SOX5: variants seen among roughly 807,000 people sequenced by gnomAD.
The protein encoded by SOX5 is SRY-box transcription factor 5.
SOX5 carries 9 observed loss-of-function variants against 92.0 expected under a neutral mutation model. The observed-to-expected ratio is 0.10, with a 90% confidence interval of 0.06 to 0.17. The LOEUF is 0.17. Among genes scored for constraint, SOX5 ranks in the 10% least tolerant of loss-of-function variants. The pLI is 1.00. For synonymous variants in SOX5, 344 were observed against 336.3 expected, an observed-to-expected ratio of 1.02 and a Z score of -0.25; for missense variants, 642 against 944.5, an observed-to-expected ratio of 0.68 and a Z score of 4.20.
At chr12:24,191,106 TA>T (rs958731226) in intron 4 of SOX5, among the ~76,000 whole-genome samples, 1 of 152,166 alleles carries the variant, frequency 6.6e-6, no homozygotes, top group African/African-American at 2.4e-5. Context: ...CACCTGGCTT[TA>T]AATTCTCCCT....
intron 2 of SOX5, among the ~76,000 whole-genome samples, chr12:23,880,899 A>T (rs568360709): frequency 6.6e-6 from 1 of 152,370 alleles, no homozygotes; most frequent in African/African-American, 2.4e-5. Context: ...ATATAAACAT[A>T]ACATTTTTAG....
chr12:23,665,390 A>C, intron 7 of SOX5, 54 bp downstream of exon 7: 1 of 1,597,668 alleles, frequency 6.3e-7, no homozygotes, highest in Non-Finnish European at 8.6e-7. Context: ...TAAATTGCCT[A>C]ATTTAAAGCT....
chr12:24,034,294 T>A (rs575125461), intron 4 of SOX5, among the ~76,000 whole-genome samples: 5 of 152,190 alleles, frequency 3.3e-5, no homozygotes, highest in African/African-American at 9.6e-5. Context: ...AGGCAGATTA[T>A]TAACTTTTAA....
chr12:24,390,889 T>C (rs1465385306), intron 1 of SOX5, among the ~76,000 whole-genome samples: 1 of 152,204 alleles, frequency 6.6e-6, no homozygotes, highest in African/African-American at 2.4e-5. Context: ...GTGATAAACA[T>C]GCGAATGCAG....
chr12:24,206,219 T>A (rs1958004040), intron 4 of SOX5, among the ~76,000 whole-genome samples: 1 of 152,214 alleles, frequency 6.6e-6, no homozygotes, highest in Non-Finnish European at 1.5e-5. Flanking sequence ...AGAAGAAAAT[T>A]ACCTGTAATA....
intron 6 of SOX5, among the ~76,000 whole-genome samples, chr12:23,708,871 T>C (rs1185476118): frequency 6.6e-6 from 1 of 152,132 alleles, no homozygotes; most frequent in Non-Finnish European, 1.5e-5. Flanking sequence ...GATTAGGACT[T>C]CCTCATAGAA....
At chr12:23,641,241 C>T (rs1367512531) in intron 7 of SOX5, among the ~76,000 whole-genome samples, 3 of 152,040 alleles carry the variant, frequency 2.0e-5, no homozygotes, top group Non-Finnish European at 4.4e-5. Flanking sequence ...ACAGTAACTC[C>T]TCAGCAAATT....
chr12:23,683,877 A>G (rs1013816008), intron 6 of SOX5, among the ~76,000 whole-genome samples: 6 of 151,990 alleles, frequency 3.9e-5, no homozygotes, highest in African/African-American at 1.4e-4. Flanking sequence ...AAAAATAAAT[A>G]AAGAAAAAGT....
intron 1 of SOX5, among the ~76,000 whole-genome samples, chr12:23,906,198 C>T (rs1182208079): frequency 6.6e-6 from 1 of 152,116 alleles, no homozygotes; most frequent in East Asian, 1.9e-4. Context: ...ATATGTTTAA[C>T]CTTCAGCCAT....
At chr12:24,247,155 G>A (rs1938970678) in intron 3 of SOX5, among the ~76,000 whole-genome samples, 1 of 152,134 alleles carries the variant, frequency 6.6e-6, no homozygotes, top group Non-Finnish European at 1.5e-5. Context: ...GCCAAATACT[G>A]TGCTGTGGGT....
At chr12:23,670,988 T>A (rs2084682803) in intron 6 of SOX5, among the ~76,000 whole-genome samples, 1 of 152,140 alleles carries the variant, frequency 6.6e-6, no homozygotes, top group Admixed American at 6.6e-5. Context: ...ACTGGAGGAC[T>A]TCAGCAAAGA....
chr12:24,348,364 C>CTATTTATTTATTTATTTATTTATTTATT (rs55635240), intron 2 of SOX5, among the ~76,000 whole-genome samples: 1 of 142,676 alleles, frequency 7.0e-6, no homozygotes, highest in African/African-American at 2.6e-5. Context: ...CTATTGACTC[C>CTATTTATTTATTTATTTATTTATTTATT]TATTTATTTA....
chr12:23,578,140 A>C (rs1949500826), intron 9 of SOX5, among the ~76,000 whole-genome samples: 2 of 135,710 alleles, frequency 1.5e-5, no homozygotes, highest in African/African-American at 2.7e-5. Context: ...AAAAAAAAAA[A>C]AAAAAAAAAA....
At chr12:24,063,931 A>C (rs1200274961) in intron 4 of SOX5, among the ~76,000 whole-genome samples, 1 of 152,250 alleles carries the variant, frequency 6.6e-6, no homozygotes, top group Non-Finnish European at 1.5e-5. Flanking sequence ...TAAGTCAAAT[A>C]ATGTATACAA....
chr12:23,744,789 A>G (rs1481943744), intron 4 of SOX5, among the ~76,000 whole-genome samples: 2 of 152,192 alleles, frequency 1.3e-5, no homozygotes, highest in Non-Finnish European at 2.9e-5. Context: ...CAGGGCTGCC[A>G]TAACAAAGTA....
intron 3 of SOX5, among the ~76,000 whole-genome samples, chr12:24,232,109 T>G (rs185615902): frequency 1.3e-5 from 2 of 152,050 alleles, no homozygotes; most frequent in Non-Finnish European, 2.9e-5. Flanking sequence ...GTGTTTTTTC[T>G]TTTTTTTCCC....
At chr12:24,418,169 A>C (rs1965344304) in intron 1 of SOX5, among the ~76,000 whole-genome samples, 1 of 152,178 alleles carries the variant, frequency 6.6e-6, no homozygotes, top group Non-Finnish European at 1.5e-5. Flanking sequence ...ATAAAAATAC[A>C]TTCACAAATG....
At chr12:23,922,908 G>A (rs1236562995) in intron 1 of SOX5, among the ~76,000 whole-genome samples, 2 of 151,502 alleles carry the variant, frequency 1.3e-5, no homozygotes, top group Non-Finnish European at 2.9e-5. Flanking sequence ...CCCAGAGGGA[G>A]TACACGACTC....
rs910481509 is a variant in SOX5, at chr12:23,536,793, T to G, written c.1772-124A>C. On this transcript the variant is annotated intron_variant, in intron 13 of 14. Transcript: ENST00000451604. ...GCCAAAACCCAGAAATACATAAACC[T>G]GTTTTTGATTAGTGAGATCCCACAA... 5 of 718,456 alleles carry G rather than the reference T, an allele frequency of 7.0e-6. No homozygotes were observed. The African/African-American group carries it at 8.8e-5, about 13-fold the overall frequency. The allele number at this position is 718,456 out of a possible 1,614,324, so 44.5% of individuals were successfully genotyped here.
Sources: gnomAD v4.1 joint callset for allele counts (sites outside exome capture counted in the v4.1 genomes callset) on GRCh38, gnomAD v4.1.1 for gene constraint, MANE v1.5 for transcripts, NCBI Gene and HGNC (gene_info 2026-07-23, HGNC 2026-07-21) for gene names.